The following LIPA variants were observed in gnomAD, a reference collection of about 807,000 sequenced individuals.
LIPA encodes lipase A, lysosomal acid type, also known as lysosomal acid lipase/cholesteryl ester hydrolase.
LIPA carries 26 observed loss-of-function variants against 40.6 expected under a neutral mutation model. The observed-to-expected ratio is 0.64, with a 90% CI of 0.47 to 0.89. The LOEUF is 0.89. LIPA is among the 40% of genes least tolerant of loss of function. LIPA has a pLI of 0.00. For missense variants in LIPA, 455 were observed against 479.6 expected (o/e 0.95, Z 0.48); for synonymous variants, 188 against 168.4 (o/e 1.12, Z -0.90).
intron 1 of LIPA, among the ~76,000 whole-genome samples, chr10:89,251,136 C>G (rs1208443137): frequency 6.6e-6 from 1 of 152,238 alleles, no homozygotes; most frequent in African/African-American, 2.4e-5. Flanking sequence ...GAGGCGCCAG[C>G]CACCGCAGGC....
intron 8 of LIPA, among the ~76,000 whole-genome samples, chr10:89,219,319 C>T (rs952805505): frequency 6.6e-6 from 1 of 152,084 alleles, no homozygotes; most frequent in African/African-American, 2.4e-5. Context: ...TAGGTCAGAA[C>T]AACACTGGAA....
At chr10:89,247,222 A>G (rs1039296587) in intron 2 of LIPA, among the ~76,000 whole-genome samples, 1 of 151,808 alleles carries the variant, frequency 6.6e-6, no homozygotes, top group Non-Finnish European at 1.5e-5. Flanking sequence ...TACAAAAAAA[A>G]TTAGCCAGGC....
chr10:89,402,224 C>A, intron 2 of LIPA: 1 of 1,152,576 alleles, frequency 8.7e-7, no homozygotes, highest in Non-Finnish European at 1.3e-6. Flanking sequence ...TTTTATCTGA[C>A]TTTTTTCTTT....
chr10:89,275,811 T>A (rs1843286667), intron 1 of LIPA, among the ~76,000 whole-genome samples: 1 of 152,208 alleles, frequency 6.6e-6, no homozygotes, highest in South Asian at 2.1e-4. Context: ...TACCAAATGA[T>A]CCTCTCAAAT....
intron 3 of LIPA, among the ~76,000 whole-genome samples, chr10:89,234,173 A>C (rs1445558071): frequency 6.6e-6 from 1 of 152,252 alleles, no homozygotes; most frequent in Non-Finnish European, 1.5e-5. Flanking sequence ...CCAGATGAAT[A>C]AAGAGCTGAC....
In LIPA at chr10:89,215,849, C is replaced by T. The variant is rs1260102085; in HGVS notation, c.966+89G>A. ...ACTCCTGCAAACATTTCCCACAGCA[C>T]CTGAGCCTGGCCAGAATCCTGATAG... On this transcript the variant is annotated intron_variant, in intron 9 of 9. Coordinates refer to ENST00000336233, the MANE Select transcript of LIPA (RefSeq NM_000235.4). 4.7e-6 allele frequency: 4 copies of T among 858,314 alleles called. 1 individual carries two copies. In the East Asian group the frequency reaches 7.2e-5, roughly 15 times the overall value. The allele number at this position is 858,314 out of a possible 1,614,324, so 53.2% of individuals were successfully genotyped here. A position where few individuals can be genotyped will look rare whatever the true frequency, so the allele number is the denominator to read the frequency against.
At chr10:89,228,052 G>C in intron 4 of LIPA, 148 bp downstream of exon 4, 1 of 685,978 alleles carries the variant, frequency 1.5e-6, no homozygotes. Context: ...TAAATTCCTA[G>C]CAACATTTAA....
chr10:89,251,243 A>G (rs1843115391), intron 1 of LIPA, among the ~76,000 whole-genome samples: 1 of 152,234 alleles, frequency 6.6e-6, no homozygotes, highest in South Asian at 2.1e-4. Context: ...CAGCTGAAGT[A>G]CTGGAAGCAA....
At chr10:89,241,291 G>T (rs1428912016) in intron 3 of LIPA, among the ~76,000 whole-genome samples, 1 of 152,136 alleles carries the variant, frequency 6.6e-6, no homozygotes, top group Non-Finnish European at 1.5e-5. Flanking sequence ...CAAAGGTTCT[G>T]AATGCAATCC....
At chr10:89,274,538 A>T (rs1248329221) in intron 1 of LIPA, among the ~76,000 whole-genome samples, 1 of 152,218 alleles carries the variant, frequency 6.6e-6, no homozygotes, top group African/African-American at 2.4e-5. Flanking sequence ...AGGACACATC[A>T]TGTCTTTATA....
chr10:89,402,351 T>G (rs752740680), intron 2 of LIPA: 1 of 1,614,152 alleles, frequency 6.2e-7, no homozygotes, highest in Non-Finnish European at 8.5e-7. Flanking sequence ...ATGGGAGTTA[T>G]CCATTGATGA....
At chr10:89,261,830 C>T (rs1345945540) in intron 1 of LIPA, among the ~76,000 whole-genome samples, 1 of 152,226 alleles carries the variant, frequency 6.6e-6, no homozygotes, top group African/African-American at 2.4e-5. Flanking sequence ...TTCTGTCTCT[C>T]TATTGCTGCC....
At chr10:89,384,415 C>G (rs140342484) in intron 2 of LIPA, 1 of 1,614,120 alleles carries the variant, frequency 6.2e-7, no homozygotes, top group South Asian at 1.1e-5. Flanking sequence ...GAAAGGGTTA[C>G]GCATGAAGAT....
intron 2 of LIPA, among the ~76,000 whole-genome samples, chr10:89,366,125 G>A (rs142124413): frequency 0.021 from 3,125 of 152,130 alleles, 49 homozygotes; most frequent in African/African-American, 0.041. Context: ...CTTTTATTTC[G>A]TTGAGCATTG....
At chr10:89,412,941 G>GA in intron 1 of LIPA, 2 of 241,558 alleles carry the variant, frequency 8.3e-6, no homozygotes, top group Admixed American at 5.4e-5. Context: ...AACCAATTCC[G>GA]GACACACCAT....
chr10:89,412,943 A>AT, intron 1 of LIPA: 2 of 239,806 alleles, frequency 8.3e-6, no homozygotes, highest in Admixed American at 5.4e-5. Context: ...CCAATTCCGG[A>AT]CACACCATCA....
chr10:89,292,383 A>G (rs1843379640), intron 1 of LIPA: 1 of 152,262 alleles, frequency 6.6e-6, no homozygotes, highest in African/African-American at 2.4e-5. Flanking sequence ...TAAAAAGAAA[A>G]AAAGGATCTG....
At chr10:89,331,109 T>C (rs892849411) in intron 1 of LIPA, among the ~76,000 whole-genome samples, 1 of 152,222 alleles carries the variant, frequency 6.6e-6, no homozygotes, top group Admixed American at 6.5e-5. Flanking sequence ...GAGGACTGTT[T>C]ACATAGGCAA....
chr10:89,276,713 T>C (rs910004719), intron 1 of LIPA, among the ~76,000 whole-genome samples: 2 of 152,238 alleles, frequency 1.3e-5, no homozygotes, highest in South Asian at 4.1e-4. Context: ...ATGCCAGTTA[T>C]TTAATATTTA....
Sources: gnomAD v4.1 joint callset for allele counts (sites outside exome capture counted in the v4.1 genomes callset) on GRCh38, gnomAD v4.1.1 for gene constraint, MANE v1.5 for transcripts, NCBI Gene and HGNC (gene_info 2026-07-23, HGNC 2026-07-21) for gene names.